NBPF12: variants seen among roughly 807,000 people sequenced by gnomAD.
NBPF12 encodes NBPF family member NBPF12.
In NBPF12, 115 loss-of-function variants were observed where a neutral mutation model predicts 146.4. The observed-to-expected ratio is 0.79, with a 90% CI of 0.68 to 0.92. NBPF12 has a LOEUF of 0.92. Ranked by LOEUF, NBPF12 falls within the 40% of genes least tolerant of loss-of-function variation. NBPF12 has a pLI of 0.00. For missense variants in NBPF12, 1,205 were observed against 1,326.8 expected (o/e 0.91, Z 1.43); for synonymous variants, 385 against 508.9 (o/e 0.76, Z 3.28).
intron 14 of NBPF12, among the ~76,000 whole-genome samples, chr1:146,973,715 G>A (rs1166859296): frequency 6.8e-6 from 1 of 147,974 alleles, no homozygotes; most frequent in African/African-American, 2.6e-5. Context: ...TTGAACCCAG[G>A]AGGCTGAGGT....
At chr1:146,957,783 A>T (rs1246547428) in intron 2 of NBPF12, 1 of 130,046 alleles carries the variant, frequency 7.7e-6, no homozygotes, top group Admixed American at 8.0e-5. Flanking sequence ...CCTCGCCACG[A>T]CTCTGCTAGC....
intron 10 of NBPF12, 109 bp from the exon 14 acceptor site, chr1:146,969,273 C>A (rs1405537592): frequency 8.9e-6 from 8 of 896,234 alleles, no homozygotes; most frequent in South Asian, 1.4e-5. Flanking sequence ...TGCTGACCTT[C>A]TGCTTGGAGG....
exon 4 of NBPF12, chr1:146,960,189 A>G (rs1655765679): frequency 1.1e-5 from 8 of 759,488 alleles, no homozygotes; most frequent in Non-Finnish European, 1.8e-5. Context: ...GGCAGAGATG[A>G]ACATTCTAGA....
At chr1:146,940,374 T>C (rs1654743674) in intron 1 of NBPF12, among the ~76,000 whole-genome samples, 1 of 151,818 alleles carries the variant, frequency 6.6e-6, no homozygotes, top group South Asian at 2.1e-4. Context: ...GAGGCCAAGG[T>C]GGGCGGATCA....
At chr1:146,994,392 A>G in exon 34 of NBPF12, 1 of 1,612,340 alleles carries the variant, frequency 6.2e-7, no homozygotes, top group Admixed American at 1.7e-5. Flanking sequence ...CACTGGATAG[A>G]TGTTATTCGA....
chr1:146,980,032 C>G (rs1204284612), intron 19 of NBPF12, among the ~76,000 whole-genome samples: 2 of 144,250 alleles, frequency 1.4e-5, no homozygotes, highest in East Asian at 2.1e-4. Context: ...GGATAGTTAA[C>G]TCTTCTTGTT....
intron 4 of NBPF12, among the ~76,000 whole-genome samples, chr1:146,961,199 G>C (rs1349400636): frequency 6.6e-6 from 1 of 151,886 alleles, no homozygotes; most frequent in Non-Finnish European, 1.5e-5. Flanking sequence ...AAAGCAGAGA[G>C]TACCTTGGTG....
chr1:146,981,044 A>G (rs1445261947), intron 19 of NBPF12, among the ~76,000 whole-genome samples: 1 of 138,190 alleles, frequency 7.2e-6, no homozygotes, highest in East Asian at 2.2e-4. Context: ...AAAACCAAAT[A>G]CCGCATGTTC....
chr1:146,957,647 C>G (rs1255627377), intron 2 of NBPF12: 1 of 132,260 alleles, frequency 7.6e-6, no homozygotes, highest in African/African-American at 2.7e-5. Context: ...CCGTCCGCCA[C>G]GAGGCTGTAG....
chr1:146,956,646 G>A (rs1321596903), intron 2 of NBPF12, among the ~76,000 whole-genome samples: 2 of 151,550 alleles, frequency 1.3e-5, no homozygotes, highest in Admixed American at 6.6e-5. Flanking sequence ...GCAGGTACGA[G>A]GCCCCTAAAA....
At chr1:146,945,951 T>C (rs1259308205), upstream of NBPF12, among the ~76,000 whole-genome samples, 1 of 151,702 alleles carries the variant, frequency 6.6e-6, no homozygotes, top group African/African-American at 2.4e-5. Flanking sequence ...ATTTCATGCC[T>C]CCTCCTCTCC....
At chr1:146,965,229 G>T (rs1292903044) in intron 8 of NBPF12, 125 bp downstream of exon 11, 3 of 731,076 alleles carry the variant, frequency 4.1e-6, no homozygotes, top group East Asian at 2.5e-5. Context: ...GCTAGGTGCT[G>T]TGACTCACAC....
At chr1:146,974,039 A>C (rs1168597919) in intron 14 of NBPF12, among the ~76,000 whole-genome samples, 5 of 150,660 alleles carry the variant, frequency 3.3e-5, no homozygotes, top group Non-Finnish European at 7.4e-5. Context: ...AATAATACCT[A>C]CCTCTGTAAA....
At chr1:146,940,450 A>G (rs1450158629) in intron 1 of NBPF12, among the ~76,000 whole-genome samples, 1 of 152,044 alleles carries the variant, frequency 6.6e-6, no homozygotes, top group Non-Finnish European at 1.5e-5. Flanking sequence ...CTAAAAATAC[A>G]AAAATTAGCT....
chr1:146,966,738 T>G (rs1472107708), intron 9 of NBPF12, 65 bp downstream of exon 12: 10 of 928,420 alleles, frequency 1.1e-5, no homozygotes, highest in Admixed American at 6.8e-5. Flanking sequence ...TCTGAGAAAC[T>G]AAGTGCTCTC....
At position 146,962,947 on chromosome 1, in the gene NBPF12, T is replaced by C. The variant is rs1246576200; in HGVS notation, c.279-148T>C. ...CCTGTAGACCATTTTCTGTTCTTTC[T>C]CTTGGCCACAGACATTCCTTTCAAC... On this transcript the variant is annotated intron_variant, in intron 5 of 33. Coordinates refer to ENST00000617844, the Ensembl canonical transcript of NBPF12. 6 of 643,744 alleles carry C rather than the reference T, an allele frequency of 9.3e-6. No individual in the cohort carries two copies. The African/African-American group carries it at 1.1e-4, about 12-fold the overall frequency. The allele number at this position is 643,744 out of a possible 1,614,324, so 39.9% of individuals were successfully genotyped here.
chr1:146,950,165 G>T (rs1358420820), intron 1 of NBPF12, among the ~76,000 whole-genome samples: 1 of 151,796 alleles, frequency 6.6e-6, no homozygotes, highest in Non-Finnish European at 1.5e-5. Context: ...TCTCCCCTGA[G>T]GTTTCCAGAT....
intron 2 of NBPF12, among the ~76,000 whole-genome samples, chr1:146,958,555 GTTGT>G (rs1235510139): frequency 1.3e-4 from 7 of 53,800 alleles, no homozygotes; most frequent in African/African-American, 4.2e-4. Context: ...TTATTATGTT[GTTGT>G]TTAACAACTT....
intron 14 of NBPF12, among the ~76,000 whole-genome samples, chr1:146,974,489 G>A (rs1419232131): frequency 5.1e-4 from 63 of 123,184 alleles, no homozygotes; most frequent in African/African-American, 1.5e-3. Flanking sequence ...ACTCCACTTC[G>A]TTGTGGTTGA....
Sources: allele counts gnomAD v4.1 joint callset (sites outside exome capture counted in the v4.1 genomes callset), GRCh38; gene constraint gnomAD v4.1.1; transcripts MANE v1.5; gene names NCBI Gene and HGNC (gene_info 2026-07-23, HGNC 2026-07-21).